PABPC4L: variants seen among roughly 807,000 people sequenced by gnomAD.
PABPC4L encodes poly(A) binding protein cytoplasmic 4 like.
For missense variants in PABPC4L, 452 were observed against 451.4 expected, an observed-to-expected ratio of 1.00 and a Z score of -0.01; for synonymous variants, 169 against 164.1, an observed-to-expected ratio of 1.03 and a Z score of -0.23.
the PABPC4L span, among the ~76,000 whole-genome samples, chr4:134,135,471 AAAGTATATTAAAGAC>A: frequency 5.9e-5 from 9 of 152,140 alleles, no homozygotes; most frequent in Non-Finnish European, 1.0e-4. Context: ...CATCTCCATT[AAAGTATATTAAAGAC>A]AACTCAATCT....
the PABPC4L span, among the ~76,000 whole-genome samples, chr4:133,986,462 T>C: frequency 7.9e-5 from 12 of 151,990 alleles, no homozygotes; most frequent in East Asian, 1.5e-3. Context: ...TGCATTTTTT[T>C]CCCTATTCAG....
At chr4:134,078,726 AC>A in the PABPC4L span, among the ~76,000 whole-genome samples, 5 of 148,474 alleles carry the variant, frequency 3.4e-5, no homozygotes, top group African/African-American at 1.2e-4. Flanking sequence ...ATCTCAACTC[AC>A]CACAACCTCC....
the PABPC4L span, among the ~76,000 whole-genome samples, chr4:133,979,235 T>C: frequency 6.6e-6 from 1 of 152,314 alleles, no homozygotes; most frequent in East Asian, 1.9e-4. Context: ...CTAAGTCTAA[T>C]TCTTTCCATG....
the PABPC4L span, among the ~76,000 whole-genome samples, chr4:134,179,237 C>T: frequency 6.6e-6 from 1 of 151,820 alleles, no homozygotes; most frequent in Non-Finnish European, 1.5e-5. Flanking sequence ...AAACTGGGGG[C>T]CAATATTCAG....
chr4:134,028,948 G>C, the PABPC4L span, among the ~76,000 whole-genome samples: 5 of 152,074 alleles, frequency 3.3e-5, no homozygotes, highest in African/African-American at 1.2e-4. Flanking sequence ...GAAACATAGT[G>C]TGTATTTTGA....
At chr4:134,119,746 C>T in the PABPC4L span, among the ~76,000 whole-genome samples, 5 of 151,678 alleles carry the variant, frequency 3.3e-5, no homozygotes, top group Admixed American at 1.3e-4. Context: ...AAAATATATT[C>T]TCTCCTCTGA....
At chr4:134,135,352 A>G in the PABPC4L span, among the ~76,000 whole-genome samples, 1 of 152,096 alleles carries the variant, frequency 6.6e-6, no homozygotes, top group East Asian at 1.9e-4. Context: ...CTTTGCTGGT[A>G]CTTTCTGAAA....
chr4:134,100,367 A>G, the PABPC4L span, among the ~76,000 whole-genome samples: 3 of 151,772 alleles, frequency 2.0e-5, no homozygotes, highest in South Asian at 2.1e-4. Context: ...AAATTCAGAA[A>G]CTAAACAACA....
At chr4:134,049,166 A>G in the PABPC4L span, among the ~76,000 whole-genome samples, 1 of 152,084 alleles carries the variant, frequency 6.6e-6, no homozygotes. Flanking sequence ...TTAAGAGTTG[A>G]ATACCAATGC....
chr4:133,986,492 T>G, the PABPC4L span, among the ~76,000 whole-genome samples: 1 of 152,032 alleles, frequency 6.6e-6, no homozygotes, highest in Non-Finnish European at 1.5e-5. Context: ...TTAATGACAA[T>G]GAGAAGAAAA....
At chr4:134,149,435 A>C in the PABPC4L span, among the ~76,000 whole-genome samples, 1 of 152,254 alleles carries the variant, frequency 6.6e-6, no homozygotes, top group African/African-American at 2.4e-5. Flanking sequence ...TGAGTTTCTA[A>C]ATATTTTTCT....
chr4:133,948,697 G>C, the PABPC4L span, among the ~76,000 whole-genome samples: 5 of 152,110 alleles, frequency 3.3e-5, no homozygotes, highest in African/African-American at 1.2e-4. Context: ...TTTTCGAATT[G>C]GTATTCCATC....
chr4:134,171,366 G>A, the PABPC4L span, among the ~76,000 whole-genome samples: 576 of 152,072 alleles, frequency 3.8e-3, 2 homozygotes, highest in African/African-American at 0.013. Flanking sequence ...CACTTGCCTC[G>A]GCCTCCCAAA....
the PABPC4L span, among the ~76,000 whole-genome samples, chr4:134,163,813 C>G: frequency 6.6e-6 from 1 of 151,962 alleles, no homozygotes; most frequent in Non-Finnish European, 1.5e-5. Context: ...TATAAAAATC[C>G]TCAACAACTT....
chr4:134,080,087 T>G, the PABPC4L span, among the ~76,000 whole-genome samples: 2 of 152,136 alleles, frequency 1.3e-5, no homozygotes, highest in Non-Finnish European at 2.9e-5. Flanking sequence ...CTGGAAATAA[T>G]AATAGCTTCA....
chr4:134,194,370 T>C (rs2126195469), downstream of PABPC4L, among the ~76,000 whole-genome samples: 1 of 151,862 alleles, frequency 6.6e-6, no homozygotes, highest in South Asian at 2.1e-4. Flanking sequence ...TCTACAGCAA[T>C]TCACACTTTT....
chr4:134,127,155 A>G, the PABPC4L span, among the ~76,000 whole-genome samples: 2 of 152,002 alleles, frequency 1.3e-5, no homozygotes, highest in Admixed American at 6.6e-5. Flanking sequence ...GTCAGCTCAG[A>G]CAGTCCTAAC....
At chr4:134,117,300 T>C in the PABPC4L span, among the ~76,000 whole-genome samples, 1 of 151,836 alleles carries the variant, frequency 6.6e-6, no homozygotes, top group African/African-American at 2.4e-5. Flanking sequence ...TCTGTCTTAC[T>C]TTCTGGAACA....
chr4:134,091,860 G>T, the PABPC4L span, among the ~76,000 whole-genome samples: 1 of 151,652 alleles, frequency 6.6e-6, no homozygotes, highest in African/African-American at 2.4e-5. Context: ...AATGCTGGTT[G>T]GTTTTCATAT....
Sources: gnomAD v4.1 joint callset for allele counts (sites outside exome capture counted in the v4.1 genomes callset) on GRCh38, gnomAD v4.1.1 for gene constraint, MANE v1.5 for transcripts, NCBI Gene and HGNC (gene_info 2026-07-23, HGNC 2026-07-21) for gene names.